Variants in PDE1A observed in about 807,000 individuals in gnomAD.
The protein encoded by PDE1A is dual specificity calcium/calmodulin-dependent 3',5'-cyclic nucleotide phosphodiesterase 1A.
PDE1A carries 35 observed loss-of-function variants against 61.7 expected under a neutral mutation model. That is an observed-to-expected ratio of 0.57 (90% CI 0.43 to 0.75). PDE1A has a LOEUF of 0.75. PDE1A is among the 30% of genes least tolerant of loss of function. The pLI is 0.00. For synonymous variants in PDE1A, 232 were observed against 213.2 expected (o/e 1.09, Z -0.77); for missense variants, 597 against 630.6 (o/e 0.95, Z 0.57).
At chr2:182,635,885 C>T in the PDE1A span, among the ~76,000 whole-genome samples, 2 of 151,498 alleles carry the variant, frequency 1.3e-5, no homozygotes, top group East Asian at 3.9e-4. Context: ...AATTCTCCCA[C>T]TGCTCTGAGT....
intron 13 of PDE1A, among the ~76,000 whole-genome samples, chr2:182,158,260 A>G (rs551617744): frequency 1.3e-5 from 2 of 152,280 alleles, no homozygotes; most frequent in African/African-American, 4.8e-5. Context: ...TTGATCTACA[A>G]CTTTCAGTCA....
At chr2:182,524,677 G>A (rs1397855466), upstream of PDE1A, among the ~76,000 whole-genome samples, 1 of 152,002 alleles carries the variant, frequency 6.6e-6, no homozygotes, top group East Asian at 1.9e-4. Flanking sequence ...TCCTTAGGAA[G>A]TATCAAAAAG....
intron 2 of PDE1A, among the ~76,000 whole-genome samples, chr2:182,498,890 G>A (rs577271180): frequency 6.6e-5 from 10 of 152,128 alleles, no homozygotes; most frequent in African/African-American, 2.2e-4. Context: ...TTCGCAGTGA[G>A]CGGAAATGCG....
chr2:182,396,039 CA>C (rs1230850381), intron 1 of PDE1A, among the ~76,000 whole-genome samples: 1 of 152,200 alleles, frequency 6.6e-6, no homozygotes, highest in East Asian at 1.9e-4. Flanking sequence ...CAGGCTTGAG[CA>C]GGTCCTGAAG....
intron 1 of PDE1A, among the ~76,000 whole-genome samples, chr2:182,265,152 C>A (rs1184713522): frequency 6.6e-6 from 1 of 151,306 alleles, no homozygotes; most frequent in Non-Finnish European, 1.5e-5. Flanking sequence ...ATATTGGGTA[C>A]AGTGTACACT....
the PDE1A span, among the ~76,000 whole-genome samples, chr2:182,627,041 T>A: frequency 1.3e-3 from 3 of 2,246 alleles, no homozygotes; most frequent in Non-Finnish European, 2.4e-3. Context: ...AATATATATA[T>A]TATTTATATA....
intron 1 of PDE1A, among the ~76,000 whole-genome samples, chr2:182,305,210 C>G (rs1002630794): frequency 6.6e-6 from 1 of 151,960 alleles, no homozygotes; most frequent in Non-Finnish European, 1.5e-5. Flanking sequence ...AAATTCAAAT[C>G]TTTTTTTCAG....
chr2:182,664,279 G>T, the PDE1A span, among the ~76,000 whole-genome samples: 1 of 152,160 alleles, frequency 6.6e-6, no homozygotes, highest in African/African-American at 2.4e-5. Context: ...TGCTGCCAAA[G>T]AAATTTTTGC....
chr2:182,308,116 C>A (rs992587905), intron 1 of PDE1A, among the ~76,000 whole-genome samples: 1 of 152,018 alleles, frequency 6.6e-6, no homozygotes, highest in African/African-American at 2.4e-5. Context: ...ATATGGCAGG[C>A]CTTGTTGACA....
At chr2:182,407,512 G>C (rs1253209087) in intron 1 of PDE1A, among the ~76,000 whole-genome samples, 4 of 152,056 alleles carry the variant, frequency 2.6e-5, no homozygotes, top group African/African-American at 9.7e-5. Flanking sequence ...CTCTGGAGTA[G>C]CTGGGACTAC....
At chr2:182,684,947 G>T in the PDE1A span, among the ~76,000 whole-genome samples, 1 of 151,902 alleles carries the variant, frequency 6.6e-6, no homozygotes, top group Admixed American at 6.6e-5. Context: ...GAAAGGGAGG[G>T]GTAGATTCAG....
At chr2:182,253,377 G>C (rs947901477) in intron 2 of PDE1A, among the ~76,000 whole-genome samples, 5 of 152,058 alleles carry the variant, frequency 3.3e-5, no homozygotes, top group Admixed American at 3.3e-4. Flanking sequence ...ATATCACCAA[G>C]GACTAAGGTT....
At chr2:182,205,563 TA>T (rs777331329) in intron 8 of PDE1A, among the ~76,000 whole-genome samples, 118 of 152,130 alleles carry the variant, frequency 7.8e-4, no homozygotes, top group African/African-American at 2.7e-3. Flanking sequence ...CCACATCTTT[TA>T]AAAAAAATAT....
chr2:182,346,253 G>A (rs6719036), intron 1 of PDE1A, among the ~76,000 whole-genome samples: 30,780 of 152,040 alleles, frequency 0.2, 3,282 homozygotes, highest in Middle Eastern at 0.28. Context: ...CTCAGCAATT[G>A]TGGAAATTAA....
At chr2:182,597,796 G>A in the PDE1A span, among the ~76,000 whole-genome samples, 2 of 152,174 alleles carry the variant, frequency 1.3e-5, no homozygotes, top group South Asian at 2.1e-4. Flanking sequence ...ACTGCGGATG[G>A]TGAAGCTCAG....
At chr2:182,693,775 C>T in the PDE1A span, among the ~76,000 whole-genome samples, 25 of 151,674 alleles carry the variant, frequency 1.6e-4, no homozygotes, top group African/African-American at 5.8e-4. Flanking sequence ...GCCTCCGGAG[C>T]AGCTGGGATT....
chr2:182,501,360 G>T (rs2125917515), intron 2 of PDE1A, among the ~76,000 whole-genome samples: 1 of 152,286 alleles, frequency 6.6e-6, no homozygotes, highest in South Asian at 2.1e-4. Flanking sequence ...GAGTTTTGAT[G>T]ACACTGTTTA....
the PDE1A span, among the ~76,000 whole-genome samples, chr2:182,627,404 TTAATA>T: frequency 8.8e-6 from 1 of 114,268 alleles, no homozygotes; most frequent in Non-Finnish European, 1.7e-5. Flanking sequence ...TATATTATAT[TTAATA>T]TAAATATATA....
chr2:182,505,136 C>T (rs534807117), intron 2 of PDE1A, among the ~76,000 whole-genome samples: 1 of 152,208 alleles, frequency 6.6e-6, no homozygotes, highest in Non-Finnish European at 1.5e-5. Flanking sequence ...ATTCTCCAGG[C>T]TGCAAGGCCA....
Sources: gnomAD v4.1 joint callset for allele counts (sites outside exome capture counted in the v4.1 genomes callset) on GRCh38, gnomAD v4.1.1 for gene constraint, MANE v1.5 for transcripts, NCBI Gene and HGNC (gene_info 2026-07-23, HGNC 2026-07-21) for gene names.